Variants in TASP1 observed in about 807,000 individuals in gnomAD.
TASP1 encodes taspase 1.
TASP1 carries 16 observed loss-of-function variants against 56.6 expected under a neutral mutation model. That is an observed-to-expected ratio of 0.28 (90% CI 0.19 to 0.43). TASP1 has a LOEUF of 0.43. TASP1 is among the 20% of genes least tolerant of loss of function. The pLI, the probability that TASP1 is intolerant of heterozygous loss-of-function variation, is 1.00. For synonymous variants in TASP1, 179 were observed against 184.2 expected, an observed-to-expected ratio of 0.97 and a Z score of 0.23; for missense variants, 393 against 511.6, an observed-to-expected ratio of 0.77 and a Z score of 2.24.
chr20:13,150,973 C>A, the TASP1 span, among the ~76,000 whole-genome samples: 1 of 152,202 alleles, frequency 6.6e-6, no homozygotes, highest in African/African-American at 2.4e-5. Flanking sequence ...TAACATTTCT[C>A]TACACTGTGC....
chr20:13,509,725 C>T (rs1386611938), intron 10 of TASP1, among the ~76,000 whole-genome samples: 11 of 152,162 alleles, frequency 7.2e-5, no homozygotes, highest in Non-Finnish European at 1.5e-4. Context: ...TTCCTGGGTT[C>T]AAGCGATTCT....
chr20:13,106,079 A>G, the TASP1 span, among the ~76,000 whole-genome samples: 1 of 152,178 alleles, frequency 6.6e-6, no homozygotes, highest in Non-Finnish European at 1.5e-5. Flanking sequence ...CGCTCTTGGG[A>G]ACGTTCAAAA....
At chr20:13,592,826 T>C (rs546640399) in intron 4 of TASP1, among the ~76,000 whole-genome samples, 2 of 152,330 alleles carry the variant, frequency 1.3e-5, no homozygotes, top group Admixed American at 1.3e-4. Flanking sequence ...CTTCCTTCTT[T>C]TCTAATAAGC....
chr20:13,603,256 G>C (rs563002377), intron 4 of TASP1, among the ~76,000 whole-genome samples: 150 of 151,774 alleles, frequency 9.9e-4, no homozygotes, highest in African/African-American at 3.6e-3. Flanking sequence ...AAGAAAAATG[G>C]GCCAGGCAGG....
At chr20:13,622,644 G>A (rs186244255) in intron 4 of TASP1, among the ~76,000 whole-genome samples, 2 of 152,182 alleles carry the variant, frequency 1.3e-5, no homozygotes, top group East Asian at 3.9e-4. Flanking sequence ...AAATACAAGG[G>A]CCACAACCCA....
Position 13,390,149 on chromosome 20 carries a change from C to T in TASP1, c.*211G>A, listed in dbSNP as rs73901122. On this transcript the variant is annotated 3_prime_UTR_variant, in exon 14 of 14. Transcript: ENST00000337743. ...ACACATACACATATGTGCGCACATA[C>T]GCGCACACACTCACACACAGTCCCG... The T allele has an allele frequency of 7.6e-5, 40 of 523,926 alleles. No individual in the cohort carries two copies. Among genetic ancestry groups the T allele is most frequent in the Non-Finnish European group, 1.1e-4 (31 of 286,950 alleles). 32.5% of individuals were successfully genotyped at this position (523,926 alleles called of 1,614,324 possible). A position where few individuals can be genotyped will look rare whatever the true frequency, so the allele number is the denominator to read the frequency against.
chr20:13,220,461 C>T, the TASP1 span, among the ~76,000 whole-genome samples: 2 of 152,232 alleles, frequency 1.3e-5, no homozygotes, highest in African/African-American at 4.8e-5. Flanking sequence ...AGCTGCGCGA[C>T]GCCAGCCCCC....
At chr20:13,474,453 A>G (rs552069600) in intron 11 of TASP1, among the ~76,000 whole-genome samples, 30 of 152,332 alleles carry the variant, frequency 2.0e-4, no homozygotes, top group African/African-American at 6.3e-4. Flanking sequence ...AGTTTCTGTA[A>G]AAGACATTAT....
chr20:13,265,982 C>T, the TASP1 span, among the ~76,000 whole-genome samples: 3 of 152,312 alleles, frequency 2.0e-5, no homozygotes, highest in Admixed American at 6.5e-5. Context: ...CCTCATTTCA[C>T]GTCAAGCCTT....
chr20:13,213,218 T>G, the TASP1 span, among the ~76,000 whole-genome samples: 1 of 152,232 alleles, frequency 6.6e-6, no homozygotes, highest in Non-Finnish European at 1.5e-5. Context: ...TCTAGCCTGT[T>G]GGATTTTTTC....
chr20:13,337,451 AC>A, the TASP1 span, among the ~76,000 whole-genome samples: 4 of 151,828 alleles, frequency 2.6e-5, no homozygotes, highest in Non-Finnish European at 5.9e-5. Flanking sequence ...CCTCACTGCC[AC>A]CCCCAAATCT....
chr20:13,246,885 T>TG, the TASP1 span, among the ~76,000 whole-genome samples: 2 of 150,830 alleles, frequency 1.3e-5, no homozygotes, highest in Non-Finnish European at 3.0e-5. Context: ...CCTTCTCTCT[T>TG]TTTTTTTTAA....
chr20:13,594,872 A>G lies in TASP1; in HGVS notation c.283-7502T>C, dbSNP rs149604951. On this transcript the variant is annotated intron_variant, in intron 4 of 13. Coordinates refer to ENST00000337743, the MANE Select transcript of TASP1 (RefSeq NM_017714.3). ...CAACATTCAAATCCAGGAAATACAG[A>G]GAACACCACAAAGATACTCCTCGAG... Among the ~76,000 whole-genome samples the G allele has an allele frequency of 1.7e-3, 256 of 152,326 alleles. 1 individual carries two copies. Among genetic ancestry groups the G allele is most frequent in the African/African-American group, 5.7e-3 (236 of 41,576 alleles).
At chr20:13,204,257 G>A in the TASP1 span, among the ~76,000 whole-genome samples, 3 of 152,128 alleles carry the variant, frequency 2.0e-5, no homozygotes, top group African/African-American at 7.2e-5. Flanking sequence ...GGAAGCCAAT[G>A]ACAGAGACTC....
At chr20:13,317,644 T>C in the TASP1 span, among the ~76,000 whole-genome samples, 2 of 152,032 alleles carry the variant, frequency 1.3e-5, no homozygotes, top group Non-Finnish European at 2.9e-5. Flanking sequence ...CCTACACCAA[T>C]AGAGTCAGTT....
chr20:13,570,483 C>T lies in TASP1; in HGVS notation c.489-897G>A, dbSNP rs528081272. Among the ~76,000 whole-genome samples the T allele has an allele frequency of 2.0e-5, 3 of 152,182 alleles. No individual in the cohort carries two copies. The East Asian group carries it at 5.8e-4, about 29-fold the overall frequency. ...AACTCGAAGTAACACATATTGAAGTCTTAAGATTTGACTGCTAATAAGACC... is the reference window on the plus strand; with the variant it reads ...AACTCGAAGTAACACATATTGAAGTTTTAAGATTTGACTGCTAATAAGACC... On this transcript the variant is annotated intron_variant, in intron 6 of 13. Coordinates refer to ENST00000337743, the MANE Select transcript of TASP1 (RefSeq NM_017714.3).
At chr20:13,366,752 C>T in the TASP1 span, among the ~76,000 whole-genome samples, 8 of 152,226 alleles carry the variant, frequency 5.3e-5, no homozygotes, top group East Asian at 1.9e-4. Context: ...ACACTCTCTC[C>T]GACAAAAGAT....
the TASP1 span, among the ~76,000 whole-genome samples, chr20:13,336,295 G>T: frequency 6.6e-6 from 1 of 152,148 alleles, no homozygotes; most frequent in African/African-American, 2.4e-5. Context: ...TTTTATCTTT[G>T]AATTTGTTTT....
downstream of TASP1, among the ~76,000 whole-genome samples, chr20:13,388,578 A>C (rs1308318221): frequency 2.0e-5 from 3 of 152,160 alleles, no homozygotes; most frequent in East Asian, 5.8e-4. Context: ...TCCTGGTGAA[A>C]CTGGTCAGAC....
Sources: gnomAD v4.1 joint callset for allele counts (sites outside exome capture counted in the v4.1 genomes callset) on GRCh38, gnomAD v4.1.1 for gene constraint, MANE v1.5 for transcripts, NCBI Gene and HGNC (gene_info 2026-07-23, HGNC 2026-07-21) for gene names.